Variants in ZBTB16 observed in about 807,000 individuals in gnomAD.
ZBTB16 encodes the protein zinc finger and BTB domain containing 16.
A neutral mutation model predicts 56.8 loss-of-function variants in ZBTB16; 8 were observed. The observed-to-expected ratio is 0.14, with a 90% CI of 0.08 to 0.25. The LOEUF (loss-of-function observed/expected upper bound fraction) is 0.25, where lower values mean the gene tolerates loss of function less well. ZBTB16 is among the 10% of genes least tolerant of loss of function. ZBTB16 has a pLI of 1.00. For missense variants in ZBTB16, 625 were observed against 903.0 expected (o/e 0.69, Z 3.95); for synonymous variants, 363 against 368.5 (o/e 0.98, Z 0.17).
intron 2 of ZBTB16, among the ~76,000 whole-genome samples, chr11:114,148,863 G>GGAGTGTGTGTGTGTGTGT (rs1942211994): frequency 6.9e-6 from 1 of 143,954 alleles, no homozygotes; most frequent in African/African-American, 2.6e-5. Context: ...GTTTTTTACT[G>GGAGTGTGTGTGTGTGTGT]GTGTGTGTGT....
intron 4 of ZBTB16, among the ~76,000 whole-genome samples, chr11:114,238,820 C>T (rs1252902358): frequency 6.6e-6 from 1 of 152,186 alleles, no homozygotes; most frequent in Admixed American, 6.5e-5. Flanking sequence ...AGTGGTGTCT[C>T]TCTCCTTAGC....
At chr11:114,233,032 T>TACCCCCCCC (rs1555159413) in intron 4 of ZBTB16, among the ~76,000 whole-genome samples, 1 of 122,952 alleles carries the variant, frequency 8.1e-6, no homozygotes. Context: ...CCCCAACTCA[T>TACCCCCCCC]CCCCGGCCCC....
At chr11:114,156,548 C>T in intron 3 of ZBTB16, 114 bp downstream of exon 3, 1 of 971,378 alleles carries the variant, frequency 1.0e-6, no homozygotes. Flanking sequence ...CGCTGGGGCC[C>T]TGGTCCATCT....
intron 3 of ZBTB16, among the ~76,000 whole-genome samples, chr11:114,167,126 G>C (rs968841999): frequency 6.6e-6 from 1 of 151,920 alleles, no homozygotes; most frequent in East Asian, 1.9e-4. Flanking sequence ...ACTGGCTTGC[G>C]GGTGTTTTAA....
At chr11:114,091,094 TGGGAGGCACTTC>T (rs1301055991) in intron 2 of ZBTB16, among the ~76,000 whole-genome samples, 1 of 152,016 alleles carries the variant, frequency 6.6e-6, no homozygotes, top group Non-Finnish European at 1.5e-5. Context: ...CTGGGTGCGG[TGGGAGGCACTTC>T]GGGAGGCCGA....
intron 2 of ZBTB16, among the ~76,000 whole-genome samples, chr11:114,140,249 A>G (rs1246145804): frequency 2.0e-5 from 3 of 152,140 alleles, no homozygotes; most frequent in Non-Finnish European, 4.4e-5. Flanking sequence ...CCCAGGCATG[A>G]GCCCCCCTCC....
intron 4 of ZBTB16, among the ~76,000 whole-genome samples, chr11:114,211,969 A>T (rs1323377701): frequency 4.6e-5 from 7 of 151,706 alleles, no homozygotes; most frequent in African/African-American, 1.5e-4. Flanking sequence ...GGGCAGGGGG[A>T]CTCGCCCTCC....
In ZBTB16 at chr11:114,253,642, G is replaced by A. The variant is rs1446772642; in HGVS notation, c.*3087G>A. Among the ~76,000 whole-genome samples the A allele has an allele frequency of 1.3e-5, 2 of 152,298 alleles. No individual in the cohort carries two copies. The highest frequency in any genetic ancestry group is 3.9e-4 in the East Asian group (2 of 5,182). On this transcript the variant is annotated 3_prime_UTR_variant, in exon 7 of 7. Transcript: ENST00000335953. ...GCTCAGGGGAGTGTGGTTTCTGAGG[G>A]CTACTGTCTGGGGACACCTCTGAAC...
intron 4 of ZBTB16, among the ~76,000 whole-genome samples, chr11:114,220,123 C>T (rs991857881): frequency 1.3e-4 from 20 of 152,082 alleles, no homozygotes; most frequent in African/African-American, 4.3e-4. Context: ...ACGGAGGGGT[C>T]GAGTTAAGAG....
chr11:114,174,995 C>T (rs1041309338), intron 3 of ZBTB16, among the ~76,000 whole-genome samples: 6 of 152,208 alleles, frequency 3.9e-5, no homozygotes, highest in Non-Finnish European at 7.3e-5. Flanking sequence ...GTTAGCTCAG[C>T]TACCCACTAG....
intron 2 of ZBTB16, among the ~76,000 whole-genome samples, chr11:114,085,079 T>A (rs1939911560): frequency 6.6e-6 from 1 of 152,230 alleles, no homozygotes; most frequent in Non-Finnish European, 1.5e-5. Context: ...AGTTAGGATT[T>A]TGACGATACC....
At chr11:114,160,800 CTAA>C (rs1942567870) in intron 3 of ZBTB16, among the ~76,000 whole-genome samples, 1 of 152,186 alleles carries the variant, frequency 6.6e-6, no homozygotes, top group Admixed American at 6.5e-5. Flanking sequence ...AACTCATTAA[CTAA>C]TGAGATGATC....
chr11:114,092,070 T>G (rs1940212567), intron 2 of ZBTB16, among the ~76,000 whole-genome samples: 1 of 152,140 alleles, frequency 6.6e-6, no homozygotes, highest in South Asian at 2.1e-4. Flanking sequence ...GCAGCTCTGT[T>G]ACAGTAGAGT....
chr11:114,125,864 C>A (rs1009905897), intron 2 of ZBTB16, among the ~76,000 whole-genome samples: 1 of 152,206 alleles, frequency 6.6e-6, no homozygotes, highest in South Asian at 2.1e-4. Context: ...ATACGCATCT[C>A]TTTTCACATG....
At chr11:114,074,177 C>G (rs1463699505) in intron 2 of ZBTB16, among the ~76,000 whole-genome samples, 1 of 152,208 alleles carries the variant, frequency 6.6e-6, no homozygotes, top group Admixed American at 6.5e-5. Context: ...TCTCTCATGA[C>G]CCCAGCCTGA....
At chr11:114,137,157 C>T (rs1402859570) in intron 2 of ZBTB16, among the ~76,000 whole-genome samples, 1 of 152,166 alleles carries the variant, frequency 6.6e-6, no homozygotes, top group Admixed American at 6.5e-5. Flanking sequence ...CTCTTGTTTC[C>T]TGCATGCAGC....
chr11:114,222,229 C>G (rs1014135933), intron 4 of ZBTB16, among the ~76,000 whole-genome samples: 1 of 151,926 alleles, frequency 6.6e-6, no homozygotes, highest in Non-Finnish European at 1.5e-5. Context: ...CCGAAGACTC[C>G]AAGCCCACAA....
Position 114,060,007 on chromosome 11 carries a change from T to C in ZBTB16, c.-91+125T>C, listed in dbSNP as rs1318812813. 2.6e-6 allele frequency: 1 copy of C among 388,830 alleles called. No individual in the cohort carries two copies. Among genetic ancestry groups the C allele is most frequent in the East Asian group, 3.6e-5 (1 of 27,482 alleles). 24.1% of individuals were successfully genotyped at this position (388,830 alleles called of 1,614,324 possible). On this transcript the variant is annotated intron_variant, in intron 1 of 6. Transcript: ENST00000335953. The surrounding 1 kb of genome is among the most constrained non-coding windows in gnomAD (Gnocchi z 6.0). ...CACTCGGCCGCTGGGCTTGTGCCTT[T>C]TTTATTTGGCGTGTTCCCTTCCTGC...
rs1944891264 is a variant in ZBTB16, at chr11:114,250,024, T to TCTC, written c.1793-302_1793-301insCTC. Reference sequence around the variant, plus strand: ...GAAAAGACTGTGGCCTTGGGAGAGTTAAGAATAGTAAGACAAGGAGCTGGG... The same window carrying TCTC: ...GAAAAGACTGTGGCCTTGGGAGAGTTCTCAAGAATAGTAAGACAAGGAGCTGGG... On this transcript the variant is annotated intron_variant, in intron 6 of 6. Coordinates refer to ENST00000335953, the MANE Select transcript of ZBTB16 (RefSeq NM_006006.6). This position sits in a 1 kb window ranked among gnomAD's most constrained non-coding sequence, Gnocchi z 6.0. Among the ~76,000 whole-genome samples, 1 of 152,106 alleles carries TCTC rather than the reference T, an allele frequency of 6.6e-6. No homozygotes were observed. Among genetic ancestry groups the TCTC allele is most frequent in the African/African-American group, 2.4e-5 (1 of 41,420 alleles).
Sources: allele counts gnomAD v4.1 joint callset (sites outside exome capture counted in the v4.1 genomes callset), GRCh38; gene constraint gnomAD v4.1.1; non-coding constraint Gnocchi (gnomAD v3.1); transcripts MANE v1.5; gene names NCBI Gene and HGNC (gene_info 2026-07-23, HGNC 2026-07-21).